SMAD3: variants seen among roughly 807,000 people sequenced by gnomAD.
SMAD3 encodes the protein SMAD family member 3.
A neutral mutation model predicts 51.8 loss-of-function variants in SMAD3; 12 were observed. That is an observed-to-expected ratio of 0.23 (90% CI 0.15 to 0.38). SMAD3 has a LOEUF of 0.38. Ranked by LOEUF, SMAD3 falls within the 10% of genes least tolerant of loss-of-function variation. SMAD3 has a pLI of 1.00. For synonymous variants in SMAD3, 238 were observed against 227.7 expected (o/e 1.05, Z -0.41); for missense variants, 294 against 565.6 (o/e 0.52, Z 4.87).
intron 1 of SMAD3, chr15:67,146,828 C>T (rs1417857206): frequency 1.3e-5 from 2 of 152,116 alleles, no homozygotes; most frequent in Non-Finnish European, 2.9e-5. Context: ...CTGCTTAATC[C>T]AAGGAGCAGA....
At chr15:67,126,625 A>C (rs1440990718) in intron 1 of SMAD3, among the ~76,000 whole-genome samples, 1 of 152,096 alleles carries the variant, frequency 6.6e-6, no homozygotes, top group African/African-American at 2.4e-5. Context: ...CACCCCATAA[A>C]TGCCAGCTCC....
chr15:67,082,094 A>G (rs1290102512), intron 1 of SMAD3, among the ~76,000 whole-genome samples: 1 of 150,278 alleles, frequency 6.7e-6, no homozygotes, highest in African/African-American at 2.5e-5. Context: ...ACTTCTGAGG[A>G]CATGATGGTA....
At chr15:67,088,605 AGTGGGAGGGGGCAGCTGCTCTAGG>A (rs1427466859) in intron 1 of SMAD3, among the ~76,000 whole-genome samples, 1 of 152,038 alleles carries the variant, frequency 6.6e-6, no homozygotes, top group Non-Finnish European at 1.5e-5. Flanking sequence ...AATGCTCCCG[AGTGGGAGGGGGCAGCTGCTCTAGG>A]GTGGGAAGGG....
intron 1 of SMAD3, among the ~76,000 whole-genome samples, chr15:67,092,976 G>C (rs1960539643): frequency 6.6e-6 from 1 of 152,162 alleles, no homozygotes; most frequent in African/African-American, 2.4e-5. Flanking sequence ...GAAAATCAAT[G>C]ATGAACACTT....
At chr15:67,188,148 C>CTTTTTTTTT (rs11367565) in intron 8 of SMAD3, among the ~76,000 whole-genome samples, 3 of 116,004 alleles carry the variant, frequency 2.6e-5, no homozygotes, top group African/African-American at 6.0e-5. Context: ...TTTTCTTTTT[C>CTTTTTTTTT]TTTTTTTTTT....
intron 5 of SMAD3, among the ~76,000 whole-genome samples, chr15:67,171,561 G>A (rs779677593): frequency 3.9e-5 from 6 of 152,190 alleles, no homozygotes; most frequent in Admixed American, 6.5e-5. Flanking sequence ...TTGTGGCTCA[G>A]GAAAAGAAAT....
intron 1 of SMAD3, among the ~76,000 whole-genome samples, chr15:67,069,972 G>T (rs1357272003): frequency 6.6e-6 from 1 of 152,152 alleles, no homozygotes; most frequent in Admixed American, 6.5e-5. Context: ...CCAAAGTGCT[G>T]GGATTACAGG....
chr15:67,194,937 T>C lies in SMAD3; in HGVS notation c.*4401T>C, dbSNP rs72661162. On this transcript the variant is annotated 3_prime_UTR_variant, in exon 9 of 9. Coordinates refer to ENST00000327367, the MANE Select transcript of SMAD3 (RefSeq NM_005902.4). Reference sequence around the variant, plus strand: ...CTGGACTCTGATGTGTGTGGAGGGATGGGGAATAGAACATTGACTGTGTTG... The same window carrying C: ...CTGGACTCTGATGTGTGTGGAGGGACGGGGAATAGAACATTGACTGTGTTG... The C allele has an allele frequency of 0.014, 3,228 of 233,748 alleles. 31 individuals carry two copies. The highest frequency in any genetic ancestry group is 0.018 in the Non-Finnish European group (2,175 of 117,942). The allele number at this position is 233,748 out of a possible 1,614,324, so 14.5% of individuals were successfully genotyped here. A position where few individuals can be genotyped will look rare whatever the true frequency, so the allele number is the denominator to read the frequency against.
At chr15:67,097,038 C>G (rs1484070879) in intron 1 of SMAD3, among the ~76,000 whole-genome samples, 1 of 152,174 alleles carries the variant, frequency 6.6e-6, no homozygotes, top group Non-Finnish European at 1.5e-5. Context: ...GAGAGAGGCC[C>G]TAGTTTGACT....
intron 1 of SMAD3, chr15:67,138,403 G>C: frequency 2.6e-6 from 1 of 385,296 alleles, no homozygotes; most frequent in South Asian, 2.9e-5. Flanking sequence ...ATTTGCGGAA[G>C]AGGGTTCCAG....
At chr15:67,151,165 C>G (rs938434608) in intron 1 of SMAD3, among the ~76,000 whole-genome samples, 1 of 151,816 alleles carries the variant, frequency 6.6e-6, no homozygotes, top group Non-Finnish European at 1.5e-5. Flanking sequence ...GGCCTTATAT[C>G]TCAGTCTTAA....
At chr15:67,069,252 G>T (rs1959998595) in intron 1 of SMAD3, among the ~76,000 whole-genome samples, 1 of 152,174 alleles carries the variant, frequency 6.6e-6, no homozygotes, top group African/African-American at 2.4e-5. Context: ...TGCCAAGGAA[G>T]TGGTAAGAGC....
intron 1 of SMAD3, among the ~76,000 whole-genome samples, chr15:67,076,435 T>C (rs1489475872): frequency 6.6e-6 from 1 of 152,174 alleles, no homozygotes; most frequent in Non-Finnish European, 1.5e-5. Flanking sequence ...GCATGATGTT[T>C]ATTGTTGCTG....
intron 1 of SMAD3, among the ~76,000 whole-genome samples, chr15:67,088,566 A>G (rs12912310): frequency 0.98 from 149,212 of 152,226 alleles, 73,176 homozygotes; most frequent in Middle Eastern, 1. Flanking sequence ...ACCACTTTTA[A>G]TTCAGCGCTG....
At chr15:67,108,264 C>G (rs1225584285) in intron 1 of SMAD3, among the ~76,000 whole-genome samples, 1 of 152,108 alleles carries the variant, frequency 6.6e-6, no homozygotes, top group African/African-American at 2.4e-5. Flanking sequence ...ATTTCAAGTA[C>G]AACTGCCACC....
chr15:67,102,603 T>C (rs1323803572), intron 1 of SMAD3, among the ~76,000 whole-genome samples: 1 of 151,982 alleles, frequency 6.6e-6, no homozygotes, highest in Non-Finnish European at 1.5e-5. Context: ...AGACTTGTCC[T>C]GGGTGAGATG....
At chr15:67,098,318 A>AGGAAGGAGGGAGGGAG (rs1960660447) in intron 1 of SMAD3, among the ~76,000 whole-genome samples, 1 of 108,420 alleles carries the variant, frequency 9.2e-6, no homozygotes, top group Non-Finnish European at 1.8e-5. Flanking sequence ...TTAAAAAAGA[A>AGGAAGGAGGGAGGGAG]GGAAGGAGGG....
At chr15:67,117,056 C>T (rs1158982753) in intron 1 of SMAD3, among the ~76,000 whole-genome samples, 7 of 152,192 alleles carry the variant, frequency 4.6e-5, no homozygotes, top group Non-Finnish European at 1.5e-5. Context: ...AGCACTGAAA[C>T]ACACACTGAA....
intron 1 of SMAD3, among the ~76,000 whole-genome samples, chr15:67,072,711 C>G (rs755182038): frequency 6.6e-6 from 1 of 152,128 alleles, no homozygotes; most frequent in Non-Finnish European, 1.5e-5. Flanking sequence ...TTGGATGGGA[C>G]TAACTCCTCC....
Sources: allele counts gnomAD v4.1 joint callset (sites outside exome capture counted in the v4.1 genomes callset), GRCh38; gene constraint gnomAD v4.1.1; transcripts MANE v1.5; gene names NCBI Gene and HGNC (gene_info 2026-07-23, HGNC 2026-07-21).